The following ZNF428 variants were observed in gnomAD, a reference collection of about 807,000 sequenced individuals.
ZNF428 encodes the protein enzyme-like protein PIT13.
Under a neutral mutation model 15.6 loss-of-function variants are expected in ZNF428, and 5 were observed. The observed-to-expected ratio is 0.32, with a 90% CI of 0.17 to 0.67. ZNF428 has a LOEUF of 0.67. Ranked by LOEUF, ZNF428 falls within the 30% of genes least tolerant of loss-of-function variation. The pLI is 0.73. For synonymous variants in ZNF428, 97 were observed against 102.2 expected (o/e 0.95, Z 0.31); for missense variants, 237 against 256.0 (o/e 0.93, Z 0.51).
At chr19:43,617,294 T>C (rs1214700700) in intron 1 of ZNF428, among the ~76,000 whole-genome samples, 1 of 152,016 alleles carries the variant, frequency 6.6e-6, no homozygotes, top group African/African-American at 2.4e-5. Context: ...ACTACTGTCT[T>C]CCACTGTACT....
rs1013435885 is a variant in ZNF428, at chr19:43,611,929, C to T, written c.76+2300G>A. 3.0e-5 allele frequency: 18 copies of T among 607,560 alleles called. No homozygotes were observed. The African/African-American group carries it at 3.3e-4, about 11-fold the overall frequency. The allele number at this position is 607,560 out of a possible 1,614,324, so 37.6% of individuals were successfully genotyped here. ...TGGCTGCAAACCAGAGGAAATATCT[C>T]CAGCCTCAGGCTGGGACCCCTCCCC... On this transcript the variant is annotated intron_variant, in intron 2 of 2. Coordinates refer to ENST00000300811, the MANE Select transcript of ZNF428 (RefSeq NM_182498.4).
At position 43,612,286 on chromosome 19, in the gene ZNF428, A is replaced by C; in HGVS notation, c.76+1943T>G. 1 of 1,551,712 alleles carries C rather than the reference A, an allele frequency of 6.4e-7. No homozygotes were observed. Among genetic ancestry groups the C allele is most frequent in the South Asian group, 1.2e-5 (1 of 84,056 alleles). On this transcript the variant is annotated intron_variant, in intron 2 of 2. Transcript: ENST00000300811. This position sits in a 1 kb window ranked among gnomAD's most constrained non-coding sequence, Gnocchi z 4.2. ...CCAAACCAGCGACATCCCGTAACTC[A>C]GTCATGAGCCCAAGCAGTTCCAAGT...
chr19:43,607,526 A>C lies in ZNF428; in HGVS notation c.*91T>G. ...AGACAACACAGACCGGCAGTACCCCATCCCCCATGACCACTGTCACAACCC... is the reference window on the plus strand; with the variant it reads ...AGACAACACAGACCGGCAGTACCCCCTCCCCCATGACCACTGTCACAACCC... On this transcript the variant is annotated 3_prime_UTR_variant, in exon 3 of 3. Coordinates refer to ENST00000300811, the MANE Select transcript of ZNF428 (RefSeq NM_182498.4). This position sits in a 1 kb window ranked among gnomAD's most constrained non-coding sequence, Gnocchi z 5.1. 3.5e-6 allele frequency: 5 copies of C among 1,422,324 alleles called. No individual in the cohort carries two copies. Among genetic ancestry groups the C allele is most frequent in the East Asian group, 2.4e-5 (1 of 42,166 alleles). The allele number at this position is 1,422,324 out of a possible 1,614,324, so 88.1% of individuals were successfully genotyped here. A position where few individuals can be genotyped will look rare whatever the true frequency, so the allele number is the denominator to read the frequency against.
Position 43,612,679 on chromosome 19 carries a change from C to A in ZNF428, c.76+1550G>T. On this transcript the variant is annotated intron_variant, in intron 2 of 2. Coordinates refer to ENST00000300811, the MANE Select transcript of ZNF428 (RefSeq NM_182498.4). The surrounding 1 kb of genome is among the most constrained non-coding windows in gnomAD (Gnocchi z 4.2). ...CCAGCAACAGGGAAAGGAGTGACAGCCAGCCTAGAAATCTGAGCAAGAAGA... is the reference window on the plus strand; with the variant it reads ...CCAGCAACAGGGAAAGGAGTGACAGACAGCCTAGAAATCTGAGCAAGAAGA... The A allele has an allele frequency of 1.9e-6, 3 of 1,551,452 alleles. No individual in the cohort carries two copies. The highest frequency in any genetic ancestry group is 1.7e-6 in the Non-Finnish European group (2 of 1,146,972).
At chr19:43,618,861 T>C (rs1973401718) in intron 1 of ZNF428, among the ~76,000 whole-genome samples, 1 of 152,156 alleles carries the variant, frequency 6.6e-6, no homozygotes, top group Admixed American at 6.5e-5. Flanking sequence ...TCCCTGAAGT[T>C]ACCAGGAGAC....
intron 1 of ZNF428, among the ~76,000 whole-genome samples, chr19:43,618,463 A>G (rs1313012368): frequency 6.6e-6 from 1 of 151,390 alleles, no homozygotes; most frequent in East Asian, 2.0e-4. Context: ...TTGGGAGGTT[A>G]GCTCACTGTA....
In ZNF428 at chr19:43,607,372, T is replaced by TACACACATAC; in HGVS notation, c.*244_*245insGTATGTGTGT. 2.4e-6 allele frequency: 1 copy of TACACACATAC among 418,548 alleles called. No individual in the cohort carries two copies. The highest frequency in any genetic ancestry group is 7.0e-5 in the South Asian group (1 of 14,202). 25.9% of individuals were successfully genotyped at this position (418,548 alleles called of 1,614,324 possible). A position where few individuals can be genotyped will look rare whatever the true frequency, so the allele number is the denominator to read the frequency against. On this transcript the variant is annotated 3_prime_UTR_variant, in exon 3 of 3. Transcript: ENST00000300811. The surrounding 1 kb of genome is among the most constrained non-coding windows in gnomAD (Gnocchi z 5.1). ...TCCCCAAGAAGGAGCCCAGGGGGAA[T>TACACACATAC]ACACACACACACACACACACACAAA...
At chr19:43,609,322 T>C (rs996243186) in intron 2 of ZNF428, among the ~76,000 whole-genome samples, 2 of 150,432 alleles carry the variant, frequency 1.3e-5, no homozygotes, top group African/African-American at 4.9e-5. Flanking sequence ...TTAAAACACA[T>C]GCATACACAC....
At position 43,612,654 on chromosome 19, in the gene ZNF428, C is replaced by T; in HGVS notation, c.76+1575G>A. ...GGAAAGAGTTACGGCCGGCCTAGAA[C>T]CAGCAACAGGGAAAGGAGTGACAGC... On this transcript the variant is annotated intron_variant, in intron 2 of 2. Transcript: ENST00000300811. The surrounding 1 kb of genome is among the most constrained non-coding windows in gnomAD (Gnocchi z 4.2). The T allele has an allele frequency of 6.4e-7, 1 of 1,551,386 alleles. No individual in the cohort carries two copies. The highest frequency in any genetic ancestry group is 8.7e-7 in the Non-Finnish European group (1 of 1,146,964).
In ZNF428 at chr19:43,614,251, T is replaced by A. The variant is rs151302773; in HGVS notation, c.54A>T (p.Glu18Asp). 60 of 1,614,078 alleles carry A rather than the reference T, an allele frequency of 3.7e-5. No individual in the cohort carries two copies. Among genetic ancestry groups the A allele is most frequent in the Middle Eastern group, 1.6e-4 (1 of 6,062 alleles). ...AETGGYASLE[E>D]DDEDLSPGPE... ...TACCTGGGGAAAGGTCTTCATCATC[T>A]TCTTCCAAGCTGGCGTAGCCCCCAG... Residue 18 changes from glutamate to aspartate, a missense_variant, in exon 2 of 3, where the codon GAA (glutamate) becomes GAT (aspartate). Physicochemically the swap from Glu to Asp is conservative, Grantham distance 45 (BLOSUM62 2). Coordinates refer to ENST00000300811, the MANE Select transcript of ZNF428 (RefSeq NM_182498.4).
At chr19:43,615,408 A>T (rs772704568) in intron 1 of ZNF428, among the ~76,000 whole-genome samples, 31 of 152,190 alleles carry the variant, frequency 2.0e-4, no homozygotes, top group Non-Finnish European at 4.6e-4. Context: ...TTTTAAAAAA[A>T]TAAAAATAAG....
intron 2 of ZNF428, among the ~76,000 whole-genome samples, chr19:43,610,369 T>G (rs1429673135): frequency 6.6e-6 from 1 of 151,786 alleles, no homozygotes; most frequent in Non-Finnish European, 1.5e-5. Flanking sequence ...CCAGGTAATT[T>G]TTGTATTTTT....
At chr19:43,608,146 G>T (rs1447674343) in intron 2 of ZNF428, 39 bp from the exon 3 acceptor site, 1 of 1,579,266 alleles carries the variant, frequency 6.3e-7, no homozygotes, top group African/African-American at 1.3e-5. Context: ...TGGTATCAGA[G>T]GAAAGAGGGC....
In ZNF428 at chr19:43,614,418, G is replaced by A. The variant is rs986962905; in HGVS notation, c.-114C>T. 1 of 1,469,200 alleles carries A rather than the reference G, an allele frequency of 6.8e-7. No homozygotes were observed. Among genetic ancestry groups the A allele is most frequent in the African/African-American group, 1.4e-5 (1 of 70,690 alleles). The allele number at this position is 1,469,200 out of a possible 1,614,324, so 91.0% of individuals were successfully genotyped here. A position where few individuals can be genotyped will look rare whatever the true frequency, so the allele number is the denominator to read the frequency against. On this transcript the variant is annotated 5_prime_UTR_variant, in exon 2 of 3. Coordinates refer to ENST00000300811, the MANE Select transcript of ZNF428 (RefSeq NM_182498.4). ...ACAAGTTCTCTAATACAGGATGTTG[G>A]CAGGTAGAGAGGGATGCTGGATAGG...
At chr19:43,609,725 G>A (rs1448263159) in intron 2 of ZNF428, among the ~76,000 whole-genome samples, 1 of 150,898 alleles carries the variant, frequency 6.6e-6, no homozygotes, top group East Asian at 1.9e-4. Context: ...CTGGGTGACA[G>A]AGCAAGACTC....
intron 1 of ZNF428, 37 bp from the exon 2 acceptor site, chr19:43,614,471 A>G (rs1444864987): frequency 1.4e-6 from 2 of 1,428,576 alleles, no homozygotes; most frequent in African/African-American, 2.9e-5. Context: ...TGATGATTCA[A>G]TAAATTTTTA....
At chr19:43,614,206 C>A in intron 2 of ZNF428, 23 bp downstream of exon 2, 1 of 1,614,240 alleles carries the variant, frequency 6.2e-7, no homozygotes. Context: ...AAGCCGACGC[C>A]ACCACCTCTA....
rs1353785033 is a variant in ZNF428 at position 43,619,597 on chromosome 19, TGCAC to T, written c.-174_-171del. The stretch of plus-strand genomic sequence containing the variant: ...CCCGCTCCGGCTCTGCGGCGGCGGC[TGCAC>T]GCCCAGCCTCTGCGCCTGCGTCGCA... On this transcript the variant is annotated 5_prime_UTR_variant, in exon 1 of 3. Transcript: ENST00000300811. 1 of 152,268 alleles carries T rather than the reference TGCAC, an allele frequency of 6.6e-6. No homozygotes were observed. The highest frequency in any genetic ancestry group is 2.4e-5 in the African/African-American group (1 of 41,450). 9.4% of individuals were successfully genotyped at this position (152,268 alleles called of 1,614,324 possible). A position where few individuals can be genotyped will look rare whatever the true frequency, so the allele number is the denominator to read the frequency against.
chr19:43,618,025 C>CTTTT (rs35170127), intron 1 of ZNF428, among the ~76,000 whole-genome samples: 2 of 55,328 alleles, frequency 3.6e-5, no homozygotes, highest in African/African-American at 9.3e-5. Context: ...CCATGCCCGG[C>CTTTT]TTTTTTTTTT....
Sources: allele counts gnomAD v4.1 joint callset (sites outside exome capture counted in the v4.1 genomes callset), GRCh38; gene constraint gnomAD v4.1.1; non-coding constraint Gnocchi (gnomAD v3.1); transcripts MANE v1.5; gene names NCBI Gene and HGNC (gene_info 2026-07-23, HGNC 2026-07-21).